WASF2: variants seen among roughly 807,000 people sequenced by gnomAD.
WASF2 encodes the protein WASP family member 2.
A neutral mutation model predicts 45.0 loss-of-function variants in WASF2; 14 were observed. The observed-to-expected ratio is 0.31, with a 90% CI of 0.21 to 0.49. The LOEUF (loss-of-function observed/expected upper bound fraction) is 0.49, where lower values mean the gene tolerates loss of function less well. Among genes scored for constraint, WASF2 ranks in the 20% least tolerant of loss-of-function variants. The pLI, the probability that WASF2 is intolerant of heterozygous loss-of-function variation, is 0.99. For missense variants in WASF2, 439 were observed against 636.1 expected, an observed-to-expected ratio of 0.69 and a Z score of 3.33; for synonymous variants, 200 against 236.3, an observed-to-expected ratio of 0.85 and a Z score of 1.41.
At chr1:27,424,662 A>G (rs2016952202) in intron 2 of WASF2, among the ~76,000 whole-genome samples, 1 of 152,070 alleles carries the variant, frequency 6.6e-6, no homozygotes, top group Admixed American at 6.5e-5. Context: ...CTGCAAGTAC[A>G]GGCACACGCC....
At chr1:27,489,348 T>TACACACATAC (rs1553153052) in intron 1 of WASF2, among the ~76,000 whole-genome samples, 2 of 10,102 alleles carry the variant, frequency 2.0e-4, no homozygotes, top group African/African-American at 7.5e-4. Context: ...TACTTCATGG[T>TACACACATAC]ACACACACAC....
At chr1:27,416,146 G>A in intron 4 of WASF2, 44 bp from the exon 5 acceptor site, 1 of 1,528,000 alleles carries the variant, frequency 6.5e-7, no homozygotes, top group Admixed American at 1.7e-5. Flanking sequence ...AGACAGATGA[G>A]CTCCCAACCA....
intron 1 of WASF2, among the ~76,000 whole-genome samples, chr1:27,461,686 G>T (rs896363776): frequency 3.3e-5 from 5 of 152,002 alleles, no homozygotes; most frequent in Middle Eastern, 3.4e-3. Context: ...GTGTTAGCCA[G>T]GATGGTCTCG....
chr1:27,425,655 G>C (rs1276124179), intron 2 of WASF2, among the ~76,000 whole-genome samples: 1 of 152,052 alleles, frequency 6.6e-6, no homozygotes. Flanking sequence ...TGGCTAACAC[G>C]GTGAAATCCT....
chr1:27,425,838 C>CAAAA lies in WASF2; in HGVS notation c.130+2919_130+2922dup, dbSNP rs57916899. ...TGGGCAACAGAGTGAGACTCCGTCT[C>CAAAA]AAAAAAAAAAAAAAAAAAAAAAAAA... On this transcript the variant is annotated intron_variant, in intron 2 of 8. Coordinates refer to ENST00000618852, the MANE Select transcript of WASF2 (RefSeq NM_006990.5). Among the ~76,000 whole-genome samples the CAAAA allele has an allele frequency of 3.2e-3, 159 of 50,226 alleles. 1 individual carries two copies. The highest frequency in any genetic ancestry group is 4.2e-3 in the African/African-American group (43 of 10,258). The allele number at this position is 50,226 out of a possible 152,430, so 33.0% of individuals were successfully genotyped here.
At chr1:27,447,480 T>G (rs1014859607) in intron 1 of WASF2, among the ~76,000 whole-genome samples, 1 of 152,222 alleles carries the variant, frequency 6.6e-6, no homozygotes, top group Non-Finnish European at 1.5e-5. Context: ...TGAGGCTGGC[T>G]GTGATTAATT....
At chr1:27,456,335 A>C (rs1466158223) in intron 1 of WASF2, among the ~76,000 whole-genome samples, 2 of 151,300 alleles carry the variant, frequency 1.3e-5, no homozygotes, top group Non-Finnish European at 3.0e-5. Context: ...AAAAAAAAAA[A>C]AAACAACAAT....
chr1:27,417,905 C>G (rs2016848069), intron 4 of WASF2, among the ~76,000 whole-genome samples: 1 of 74,176 alleles, frequency 1.3e-5, no homozygotes. Flanking sequence ...AATGTTGCCC[C>G]TGGGATCCAT....
At chr1:27,467,242 A>G (rs886843098) in intron 1 of WASF2, among the ~76,000 whole-genome samples, 149 of 149,296 alleles carry the variant, frequency 1.0e-3, no homozygotes, top group African/African-American at 3.2e-3. Context: ...ACCAAAACAC[A>G]CACACACACA....
chr1:27,443,836 G>A (rs370943009), intron 1 of WASF2, among the ~76,000 whole-genome samples: 83 of 151,556 alleles, frequency 5.5e-4, no homozygotes, highest in Non-Finnish European at 8.8e-4. Context: ...TGGAGTGCAG[G>A]GGGGGGTGAT....
At chr1:27,412,457 C>A in intron 7 of WASF2, 115 bp downstream of exon 7, 2 of 1,407,260 alleles carry the variant, frequency 1.4e-6, no homozygotes, top group Non-Finnish European at 2.0e-6. Context: ...ATCCTCCCAC[C>A]ACCTTGGCCT....
chr1:27,419,158 T>A (rs760133054), intron 2 of WASF2, 70 bp from the exon 3 acceptor site: 16 of 1,575,620 alleles, frequency 1.0e-5, no homozygotes, highest in Non-Finnish European at 1.4e-5. Context: ...AACTGGCTAC[T>A]AAAGATCGTG....
chr1:27,479,743 T>C (rs553971080), intron 1 of WASF2, among the ~76,000 whole-genome samples: 1 of 152,150 alleles, frequency 6.6e-6, no homozygotes, highest in Non-Finnish European at 1.5e-5. Context: ...CACATGCCTA[T>C]AATCCTAGTT....
At chr1:27,484,546 G>A (rs1176171741) in intron 1 of WASF2, among the ~76,000 whole-genome samples, 2 of 152,104 alleles carry the variant, frequency 1.3e-5, no homozygotes, top group African/African-American at 4.8e-5. Context: ...GGTGGTTCAT[G>A]CTTGTAATCC....
intron 1 of WASF2, among the ~76,000 whole-genome samples, chr1:27,451,690 TACAGA>T (rs1337161995): frequency 1.3e-5 from 2 of 152,294 alleles, no homozygotes; most frequent in African/African-American, 2.4e-5. Context: ...TGACAGAATC[TACAGA>T]ACAGGAGAGT....
chr1:27,447,504 A>G (rs182871582), intron 1 of WASF2, among the ~76,000 whole-genome samples: 1 of 152,338 alleles, frequency 6.6e-6, no homozygotes, highest in East Asian at 1.9e-4. Flanking sequence ...TTGGTTGTTC[A>G]GATTGTAGCT....
At chr1:27,458,780 G>A (rs746807373) in intron 1 of WASF2, among the ~76,000 whole-genome samples, 114 of 151,224 alleles carry the variant, frequency 7.5e-4, no homozygotes, top group African/African-American at 2.3e-3. Context: ...GTGACAGAGC[G>A]AGATTCTGCC....
intron 1 of WASF2, among the ~76,000 whole-genome samples, chr1:27,440,062 GA>G (rs1235106324): frequency 6.6e-6 from 1 of 152,078 alleles, no homozygotes; most frequent in Non-Finnish European, 1.5e-5. Flanking sequence ...ATAGAATTTG[GA>G]TGTAAAAAAA....
At chr1:27,422,162 G>GA (rs1047786022) in intron 2 of WASF2, among the ~76,000 whole-genome samples, 4 of 151,860 alleles carry the variant, frequency 2.6e-5, no homozygotes, top group African/African-American at 9.7e-5. Flanking sequence ...TGGTTTTCAA[G>GA]AAAAAATCTT....
Sources: gnomAD v4.1 joint callset for allele counts (sites outside exome capture counted in the v4.1 genomes callset) on GRCh38, gnomAD v4.1.1 for gene constraint, MANE v1.5 for transcripts, NCBI Gene and HGNC (gene_info 2026-07-23, HGNC 2026-07-21) for gene names.